Variants in WFS1 observed in about 807,000 individuals in gnomAD.
WFS1 encodes wolframin.
WFS1 carries 90 observed loss-of-function variants against 68.5 expected under a neutral mutation model. The observed-to-expected ratio is 1.31, with a 90% confidence interval of 1.11 to 1.56. The LOEUF (loss-of-function observed/expected upper bound fraction) is 1.56, where lower values mean the gene tolerates loss of function less well. WFS1 is among the 40% of genes most tolerant of loss of function. WFS1 has a pLI of 0.00. For missense variants in WFS1, 1,767 were observed against 1,232.6 expected (o/e 1.43, Z -6.49); for synonymous variants, 860 against 540.7 (o/e 1.59, Z -8.19).
chr4:6,301,570 T>C lies in WFS1; in HGVS notation c.1775T>C (p.Leu592Pro). ...VLQFARWFTS[L>P]ELTKIAVTVA... ...CAGTTCGCCCGGTGGTTCACGTCTC[T>C]GGAGCTCACCAAGATCGCAGTCACC... Residue 592 changes from leucine (L) to proline (P), a missense_variant, in exon 8 of 8, where the codon CTG becomes CCG. Transcript: ENST00000226760. The C allele has an allele frequency of 6.2e-7, 1 of 1,614,138 alleles. No homozygotes were observed. The highest frequency in any genetic ancestry group is 8.5e-7 in the Non-Finnish European group (1 of 1,180,038).
At chr4:6,299,274 T>G (rs1002955205) in intron 7 of WFS1, among the ~76,000 whole-genome samples, 1 of 152,228 alleles carries the variant, frequency 6.6e-6, no homozygotes, top group Non-Finnish European at 1.5e-5. Flanking sequence ...CATGCCTCCC[T>G]CAGCCCTCTG....
intron 7 of WFS1, among the ~76,000 whole-genome samples, chr4:6,297,306 C>T (rs1312297793): frequency 6.6e-6 from 1 of 152,146 alleles, no homozygotes; most frequent in Non-Finnish European, 1.5e-5. Flanking sequence ...GGGCTGAGAG[C>T]TGTCCCACCT....
At chr4:6,271,454 A>G (rs1409176252) in intron 1 of WFS1, among the ~76,000 whole-genome samples, 4 of 152,084 alleles carry the variant, frequency 2.6e-5, no homozygotes, top group Middle Eastern at 3.4e-3. Context: ...CTCAGTCTCA[A>G]CCCCCAGAGA....
intron 5 of WFS1, 108 bp downstream of exon 5, chr4:6,291,475 C>T: frequency 6.9e-7 from 1 of 1,440,820 alleles, no homozygotes; most frequent in Non-Finnish European, 9.4e-7. Context: ...CTGGGTCTTC[C>T]CACAGGAGCC....
chr4:6,280,984 G>A (rs960590434), intron 2 of WFS1, among the ~76,000 whole-genome samples: 8 of 152,230 alleles, frequency 5.3e-5, no homozygotes, highest in African/African-American at 1.9e-4. Context: ...CCTACTGTGA[G>A]GTGGCCCAGC....
chr4:6,274,199 A>G (rs1729920216), intron 1 of WFS1, among the ~76,000 whole-genome samples: 1 of 151,998 alleles, frequency 6.6e-6, no homozygotes, highest in African/African-American at 2.4e-5. Flanking sequence ...GGCGCCCGCC[A>G]CCACGCCTGG....
chr4:6,277,315 A>G (rs1730022804), intron 1 of WFS1, 136 bp from the exon 2 acceptor site: 1 of 829,242 alleles, frequency 1.2e-6, no homozygotes, highest in Non-Finnish European at 2.0e-6. Flanking sequence ...GACTGTACTG[A>G]GTGTCAGCGA....
chr4:6,298,901 C>A (rs76036930), intron 7 of WFS1, among the ~76,000 whole-genome samples: 2,517 of 152,318 alleles, frequency 0.017, 56 homozygotes, highest in African/African-American at 0.057. Context: ...GGTGCTTCCC[C>A]GAGGCCCGGA....
At chr4:6,273,067 C>T (rs1248222175) in intron 1 of WFS1, among the ~76,000 whole-genome samples, 1 of 152,230 alleles carries the variant, frequency 6.6e-6, no homozygotes, top group Admixed American at 6.5e-5. Context: ...AGAGAGTGAA[C>T]ATCATCTTGG....
At position 6,283,261 on chromosome 4, in the gene WFS1, C is replaced by T. The variant is rs1243349149; in HGVS notation, c.233-3832C>T. Among the ~76,000 whole-genome samples, 1 of 152,174 alleles carries T rather than the reference C, an allele frequency of 6.6e-6. No homozygotes were observed. The highest frequency in any genetic ancestry group is 1.5e-5 in the Non-Finnish European group (1 of 68,032). On this transcript the variant is annotated intron_variant, in intron 2 of 7. Transcript: ENST00000226760. This position sits in a 1 kb window ranked among gnomAD's most constrained non-coding sequence, Gnocchi z 5.0. ...ATAGAACCTCACAGAGGGAAGGAGA[C>T]CTGCCCATGGTATCCAGCTCTGATC... is the stretch of plus-strand genomic sequence containing the variant.
At chr4:6,276,640 C>T (rs756109061) in intron 1 of WFS1, among the ~76,000 whole-genome samples, 10 of 152,160 alleles carry the variant, frequency 6.6e-5, no homozygotes, top group South Asian at 2.1e-4. Context: ...TCCCCAGCTC[C>T]CTTCCCCTCT....
Position 6,301,418 on chromosome 4 carries a change from T to C in WFS1, c.1623T>C (p.Cys541=), listed in dbSNP as rs745712429. Residue 541 remains cysteine, a synonymous_variant, in exon 8 of 8, where the codon TGT becomes TGC. Transcript: ENST00000226760. ...LVPYLVCFMW[C]ELSVVILLES... ...CCTACCTGGTGTGCTTCATGTGGTG[T>C]GAGCTCTCCGTGGTCATCCTGCTGG... is the stretch of plus-strand genomic sequence containing the variant. The C allele has an allele frequency of 6.2e-7, 1 of 1,612,158 alleles. No homozygotes were observed. The highest frequency in any genetic ancestry group is 1.1e-5 in the South Asian group (1 of 91,078).
intron 1 of WFS1, among the ~76,000 whole-genome samples, chr4:6,276,229 C>T (rs1227336647): frequency 1.3e-5 from 2 of 152,204 alleles, no homozygotes; most frequent in Non-Finnish European, 2.9e-5. Flanking sequence ...CCACCCCTAA[C>T]GCCGCTCATC....
At chr4:6,300,604 G>A in intron 7 of WFS1, 53 bp from the exon 8 acceptor site, 1 of 1,611,906 alleles carries the variant, frequency 6.2e-7, no homozygotes, top group African/African-American at 1.3e-5. Context: ...CGTGAGATGG[G>A]AGCAGTGGGG....
intron 2 of WFS1, among the ~76,000 whole-genome samples, chr4:6,279,256 T>C (rs367793541): frequency 1.2e-3 from 184 of 152,302 alleles, no homozygotes; most frequent in Non-Finnish European, 2.1e-3. Context: ...TGAGCATCAG[T>C]TGAAATACCA....
chr4:6,274,692 C>A (rs913002400), intron 1 of WFS1, among the ~76,000 whole-genome samples: 3 of 151,870 alleles, frequency 2.0e-5, no homozygotes, highest in Non-Finnish European at 4.4e-5. Context: ...AGGGTCTAGG[C>A]TGGGGGAGGG....
rs1352191494 is a variant in WFS1, at chr4:6,287,708, A to AAT, written c.315+535_315+536dup. On this transcript the variant is annotated intron_variant, in intron 3 of 7. Transcript: ENST00000226760. This position sits in a 1 kb window ranked among gnomAD's most constrained non-coding sequence, Gnocchi z 6.4. ...AAAACCCAAGTAGACAAGACACAGA[A>AAT]ATACAGTGATTTTGAATTCTGGTGA... is the stretch of plus-strand genomic sequence containing the variant. Among the ~76,000 whole-genome samples, 1 of 152,240 alleles carries AAT rather than the reference A, an allele frequency of 6.6e-6. No individual in the cohort carries two copies. The highest frequency in any genetic ancestry group is 1.9e-4 in the East Asian group (1 of 5,142).
In WFS1 at chr4:6,299,742, CGT is replaced by C. The variant is rs555182294; in HGVS notation, c.862-904_862-903del. ...GGGTTGTGTGAATGCGGGTAGGTTG[CGT>C]GTGTGTGTGTAGGGGTGGGTTGCGT... On this transcript the variant is annotated intron_variant, in intron 7 of 7. Coordinates refer to ENST00000226760, the MANE Select transcript of WFS1 (RefSeq NM_006005.3). 1.8e-3 allele frequency among the ~76,000 whole-genome samples: 87 copies of C among 47,394 alleles called. 3 individuals carry two copies. Among genetic ancestry groups the C allele is most frequent in the Non-Finnish European group, 3.0e-3 (76 of 25,168 alleles). The allele number at this position is 47,394 out of a possible 152,430, so 31.1% of individuals were successfully genotyped here.
Position 6,295,079 on chromosome 4 carries a change from A to G in WFS1, c.751A>G (p.Thr251Ala). The G allele has an allele frequency of 1.2e-6, 2 of 1,613,524 alleles. No individual in the cohort carries two copies. The highest frequency in any genetic ancestry group is 1.7e-6 in the Non-Finnish European group (2 of 1,180,022). ...YIALDDFVEI[T>A]KKYAKGVIPS... ...CGCGCTGGATGACTTTGTGGAGATC[A>G]CTAAGAAGTACGCCAAGGGCGTCAT... Residue 251 changes from threonine (T) to alanine (A), a missense_variant, in exon 7 of 8, where the codon ACT becomes GCT. Coordinates refer to ENST00000226760, the MANE Select transcript of WFS1 (RefSeq NM_006005.3).
Sources: gnomAD v4.1 joint callset for allele counts (sites outside exome capture counted in the v4.1 genomes callset) on GRCh38, gnomAD v4.1.1 for gene constraint, Gnocchi (gnomAD v3.1) non-coding constraint, MANE v1.5 for transcripts, NCBI Gene and HGNC (gene_info 2026-07-23, HGNC 2026-07-21) for gene names.